The following PRKG1 variants were observed in gnomAD, a reference collection of about 807,000 sequenced individuals.
The protein encoded by PRKG1 is cGMP-dependent protein kinase 1.
Under a neutral mutation model 88.1 loss-of-function variants are expected in PRKG1, and 35 were observed. The observed-to-expected ratio is 0.40, with a 90% CI of 0.30 to 0.53. PRKG1 has a LOEUF of 0.53. Ranked by LOEUF, PRKG1 falls within the 20% of genes least tolerant of loss-of-function variation. The pLI is 0.59. For synonymous variants in PRKG1, 303 were observed against 292.5 expected (o/e 1.04, Z -0.37); for missense variants, 540 against 839.8 (o/e 0.64, Z 4.41).
chr10:51,771,259 C>A (rs4935280), intron 3 of PRKG1, among the ~76,000 whole-genome samples: 16,221 of 152,158 alleles, frequency 0.11, 992 homozygotes, highest in African/African-American at 0.15. Context: ...ACCACCATTC[C>A]GTATGCGGTC....
intron 2 of PRKG1, among the ~76,000 whole-genome samples, chr10:51,220,044 C>G (rs1438490481): frequency 6.6e-6 from 1 of 152,082 alleles, no homozygotes; most frequent in African/African-American, 2.4e-5. Context: ...AAAAGGAAGG[C>G]AGAAGAGGAG....
chr10:51,993,136 C>T (rs528805327), intron 5 of PRKG1, among the ~76,000 whole-genome samples: 2 of 152,240 alleles, frequency 1.3e-5, no homozygotes, highest in South Asian at 2.1e-4. Context: ...AAACTTACCT[C>T]CTCATTATAT....
At chr10:51,274,460 G>A (rs1840062750) in intron 2 of PRKG1, among the ~76,000 whole-genome samples, 1 of 152,154 alleles carries the variant, frequency 6.6e-6, no homozygotes, top group South Asian at 2.1e-4. Flanking sequence ...TGTTCTAAGT[G>A]CAATTGAAAC....
At chr10:51,844,719 G>A (rs1840358466) in intron 4 of PRKG1, among the ~76,000 whole-genome samples, 1 of 152,058 alleles carries the variant, frequency 6.6e-6, no homozygotes, top group Admixed American at 6.6e-5. Context: ...GGAATGTCAG[G>A]GGCTTAAAAC....
At chr10:52,214,357 G>A (rs1230374539) in intron 9 of PRKG1, among the ~76,000 whole-genome samples, 1 of 152,140 alleles carries the variant, frequency 6.6e-6, no homozygotes, top group Non-Finnish European at 1.5e-5. Context: ...ATGAAAATAT[G>A]CAAACAGAGA....
At chr10:52,025,076 A>G (rs1249188805) in intron 5 of PRKG1, among the ~76,000 whole-genome samples, 6 of 152,138 alleles carry the variant, frequency 3.9e-5, no homozygotes, top group Non-Finnish European at 8.8e-5. Context: ...TTCTCTGATG[A>G]CCAGTGATGA....
chr10:51,511,552 AG>A (rs1467583190), intron 3 of PRKG1, among the ~76,000 whole-genome samples: 4 of 152,222 alleles, frequency 2.6e-5, no homozygotes, highest in Admixed American at 6.5e-5. Flanking sequence ...TCATAAAAAA[AG>A]AATATCCATA....
chr10:51,749,047 G>T (rs1289884989), intron 3 of PRKG1, among the ~76,000 whole-genome samples: 1 of 152,164 alleles, frequency 6.6e-6, no homozygotes, highest in African/African-American at 2.4e-5. Flanking sequence ...AAGCTTTAAT[G>T]AACTTGCATA....
chr10:51,785,344 A>G (rs1838701014), intron 3 of PRKG1, among the ~76,000 whole-genome samples: 1 of 151,996 alleles, frequency 6.6e-6, no homozygotes, highest in Non-Finnish European at 1.5e-5. Flanking sequence ...CTGACCATGG[A>G]CGTTTTTCTT....
chr10:51,792,490 T>G (rs1838894061), intron 3 of PRKG1, among the ~76,000 whole-genome samples: 1 of 152,118 alleles, frequency 6.6e-6, no homozygotes, highest in South Asian at 2.1e-4. Flanking sequence ...TCCATAGATT[T>G]TCAAGTACTT....
chr10:51,617,739 C>T (rs111836188), intron 3 of PRKG1, among the ~76,000 whole-genome samples: 2,171 of 152,270 alleles, frequency 0.014, 18 homozygotes, highest in Non-Finnish European at 0.023. Flanking sequence ...CCTAATGACA[C>T]ATTTCTCAGA....
intron 1 of PRKG1, among the ~76,000 whole-genome samples, chr10:51,040,286 C>A (rs1168632683): frequency 1.4e-4 from 8 of 56,500 alleles, no homozygotes; most frequent in South Asian, 6.2e-4. Context: ...TCTTTAATTT[C>A]TTTCTTGCTT....
At chr10:52,112,484 T>A (rs1397106508) in intron 7 of PRKG1, among the ~76,000 whole-genome samples, 1 of 152,174 alleles carries the variant, frequency 6.6e-6, no homozygotes, top group East Asian at 1.9e-4. Flanking sequence ...GACCCAAGGT[T>A]CATAAGATAT....
At chr10:52,163,749 T>C (rs934271323) in intron 9 of PRKG1, among the ~76,000 whole-genome samples, 30 of 152,200 alleles carry the variant, frequency 2.0e-4, no homozygotes, top group African/African-American at 6.8e-4. Flanking sequence ...ATTCATGGAT[T>C]CACTTGCACA....
At position 52,290,308 on chromosome 10, in the gene PRKG1, C is replaced by G. The variant is rs1167071118; in HGVS notation, c.1962+18C>G. On this transcript the variant is annotated intron_variant, in intron 17 of 17. Transcript: ENST00000373980. ...TACCAAGTGTAAGTAGACTTTCCAGCTTATAATTGTGTGACATAATTGATG... is the reference window on the plus strand; with the variant it reads ...TACCAAGTGTAAGTAGACTTTCCAGGTTATAATTGTGTGACATAATTGATG... 4.4e-6 allele frequency: 7 copies of G among 1,581,236 alleles called. No individual in the cohort carries two copies. Among genetic ancestry groups the G allele is most frequent in the Non-Finnish European group, 6.1e-6 (7 of 1,154,048 alleles).
At chr10:51,058,628 T>G (rs1158067320) in intron 1 of PRKG1, among the ~76,000 whole-genome samples, 1 of 152,190 alleles carries the variant, frequency 6.6e-6, no homozygotes, top group African/African-American at 2.4e-5. Flanking sequence ...TTTGATGTCT[T>G]TTGGTCGAAC....
chr10:51,706,321 C>T (rs1247463482), intron 3 of PRKG1, among the ~76,000 whole-genome samples: 3 of 152,188 alleles, frequency 2.0e-5, no homozygotes, highest in African/African-American at 7.2e-5. Context: ...TCCACCTGCG[C>T]TGGCCTTCCA....
At position 51,443,422 on chromosome 10, in the gene PRKG1, T is replaced by C. The variant is rs80193041; in HGVS notation, c.479-24301T>C. On this transcript the variant is annotated intron_variant, in intron 2 of 17. Coordinates refer to ENST00000373980, the MANE Select transcript of PRKG1 (RefSeq NM_006258.4). Reference sequence around the variant, plus strand: ...GTAAAAAAGTTTTAAAGACTGTTAGTCATCTGAAGGCGTGCATTAATAATT... The same window carrying C: ...GTAAAAAAGTTTTAAAGACTGTTAGCCATCTGAAGGCGTGCATTAATAATT... Among the ~76,000 whole-genome samples the C allele has an allele frequency of 1.4e-3, 216 of 152,120 alleles. 1 individual carries two copies. The highest frequency in any genetic ancestry group is 5.0e-3 in the African/African-American group (207 of 41,546).
chr10:51,387,314 A>G (rs1259183964), intron 2 of PRKG1, among the ~76,000 whole-genome samples: 1 of 149,080 alleles, frequency 6.7e-6, no homozygotes. Context: ...ATATATATAC[A>G]TATAAATAAA....
Sources: allele counts gnomAD v4.1 joint callset (sites outside exome capture counted in the v4.1 genomes callset), GRCh38; gene constraint gnomAD v4.1.1; transcripts MANE v1.5; gene names NCBI Gene and HGNC (gene_info 2026-07-23, HGNC 2026-07-21).